INVS: variants seen among roughly 807,000 people sequenced by gnomAD.
The protein encoded by INVS is inversin.
A neutral mutation model predicts 108.8 loss-of-function variants in INVS; 86 were observed. The ratio of observed to expected loss-of-function variants is 0.79; its 90% CI spans 0.66 to 0.95. The LOEUF is 0.95. Among genes scored for constraint, INVS ranks in the 40% least tolerant of loss-of-function variants. The probability of loss-of-function intolerance (pLI) is 0.00; values close to 1 mark genes in which losing one functional copy is unlikely to be tolerated. For synonymous variants in INVS, 455 were observed against 473.5 expected (o/e 0.96, Z 0.51); for missense variants, 1,169 against 1,297.4 (o/e 0.90, Z 1.52).
At chr9:100,272,208 G>A (rs1181283267) in intron 11 of INVS, among the ~76,000 whole-genome samples, 1 of 152,106 alleles carries the variant, frequency 6.6e-6, no homozygotes, top group African/African-American at 2.4e-5. Flanking sequence ...TTTTAGAAAA[G>A]ACTTCCAACA....
At chr9:100,181,032 T>A (rs1829872728) in intron 3 of INVS, among the ~76,000 whole-genome samples, 1 of 152,084 alleles carries the variant, frequency 6.6e-6, no homozygotes. Context: ...CAAAACCACA[T>A]GATTATCTCA....
chr9:100,171,772 C>T (rs1165459192), intron 3 of INVS, among the ~76,000 whole-genome samples: 2 of 151,958 alleles, frequency 1.3e-5, no homozygotes, highest in Non-Finnish European at 2.9e-5. Context: ...TACATTTTAC[C>T]TTCTTTATGA....
At chr9:100,272,193 C>A (rs773902335) in intron 11 of INVS, among the ~76,000 whole-genome samples, 5 of 152,130 alleles carry the variant, frequency 3.3e-5, no homozygotes, top group Non-Finnish European at 7.4e-5. Flanking sequence ...AATTTTGTAT[C>A]CTTTTTTTAG....
chr9:100,218,034 T>C (rs1289706066), intron 3 of INVS, among the ~76,000 whole-genome samples: 1 of 152,170 alleles, frequency 6.6e-6, no homozygotes, highest in Non-Finnish European at 1.5e-5. Context: ...ATCATGTTTC[T>C]ATTTTTCCAT....
chr9:100,143,869 G>A (rs1422035519), intron 3 of INVS, among the ~76,000 whole-genome samples: 4 of 152,030 alleles, frequency 2.6e-5, no homozygotes, highest in African/African-American at 7.3e-5. Context: ...AGAAGGGGAC[G>A]GACTTACCTT....
intron 6 of INVS, 136 bp from the exon 7 acceptor site, chr9:100,242,434 T>C (rs552052321): frequency 1.6e-5 from 10 of 629,650 alleles, no homozygotes; most frequent in African/African-American, 1.3e-4. Context: ...AGAGGCTGCA[T>C]TGGGGGCTGC....
intron 10 of INVS, among the ~76,000 whole-genome samples, chr9:100,255,213 CTGTT>C (rs1832376603): frequency 6.6e-6 from 1 of 152,116 alleles, no homozygotes; most frequent in African/African-American, 2.4e-5. Context: ...ATTTGGCTCT[CTGTT>C]TGTCTGTTGG....
intron 4 of INVS, among the ~76,000 whole-genome samples, chr9:100,228,947 T>A (rs549840773): frequency 2.0e-5 from 3 of 152,338 alleles, no homozygotes; most frequent in African/African-American, 4.8e-5. Flanking sequence ...ACATTTCTGT[T>A]CATATCTTCT....
chr9:100,246,378 G>A lies in INVS; in HGVS notation c.907-238G>A, dbSNP rs11999920. Among the ~76,000 whole-genome samples, 705 of 152,256 alleles carry A rather than the reference G, an allele frequency of 4.6e-3. 7 individuals carry two copies. Among genetic ancestry groups the A allele is most frequent in the African/African-American group, 0.016 (667 of 41,542 alleles). On this transcript the variant is annotated intron_variant, in intron 7 of 16. Transcript: ENST00000262457. Reference sequence around the variant, plus strand: ...TCCATTTTGAGGATGTTGAATGGGAGAGTTAGGTTATGTTTATGAAGTGTT... The same window carrying A: ...TCCATTTTGAGGATGTTGAATGGGAAAGTTAGGTTATGTTTATGAAGTGTT...
At chr9:100,106,578 G>A (rs995381161) in intron 2 of INVS, among the ~76,000 whole-genome samples, 2 of 152,082 alleles carry the variant, frequency 1.3e-5, no homozygotes, top group African/African-American at 4.8e-5. Context: ...ACTCTAGATG[G>A]ACCAAACCTA....
chr9:100,230,674 G>A (rs34727324), intron 5 of INVS, among the ~76,000 whole-genome samples: 1,872 of 152,004 alleles, frequency 0.012, 18 homozygotes, highest in African/African-American at 0.02. Flanking sequence ...GTGCGCCACC[G>A]TGCCTGGCTA....
intron 3 of INVS, among the ~76,000 whole-genome samples, chr9:100,152,288 G>A (rs1025198510): frequency 6.6e-6 from 1 of 151,986 alleles, no homozygotes; most frequent in African/African-American, 2.4e-5. Flanking sequence ...ATTGAATTGG[G>A]TTCATCATGT....
intron 3 of INVS, among the ~76,000 whole-genome samples, chr9:100,178,224 T>C (rs560103114): frequency 1.3e-5 from 2 of 152,292 alleles, no homozygotes; most frequent in East Asian, 3.9e-4. Flanking sequence ...CCTCTTCTTC[T>C]GCAAAGGATC....
intron 12 of INVS, among the ~76,000 whole-genome samples, chr9:100,283,345 CAT>C (rs1168924497): frequency 6.6e-6 from 1 of 152,114 alleles, no homozygotes; most frequent in African/African-American, 2.4e-5. Context: ...TTTCTTCTAT[CAT>C]ATATTAGGTC....
At chr9:100,279,716 G>A (rs1332628482) in intron 12 of INVS, among the ~76,000 whole-genome samples, 1 of 152,138 alleles carries the variant, frequency 6.6e-6, no homozygotes, top group African/African-American at 2.4e-5. Context: ...TCTTTTCTGT[G>A]GAAGCATTTT....
At chr9:100,210,052 C>G (rs1391897220) in intron 3 of INVS, among the ~76,000 whole-genome samples, 1 of 152,166 alleles carries the variant, frequency 6.6e-6, no homozygotes, top group Non-Finnish European at 1.5e-5. Context: ...CAACATGCAG[C>G]TCAGGCACTG....
intron 3 of INVS, among the ~76,000 whole-genome samples, chr9:100,184,409 G>GT (rs1389687694): frequency 6.6e-6 from 1 of 152,164 alleles, no homozygotes; most frequent in African/African-American, 2.4e-5. Flanking sequence ...CCAGAGCACT[G>GT]TTTTACCTCA....
chr9:100,293,086 T>A lies in INVS; in HGVS notation c.2786+43T>A, dbSNP rs749925570. 3.9e-6 allele frequency: 6 copies of A among 1,540,866 alleles called. No individual in the cohort carries two copies. In the South Asian group the frequency reaches 4.5e-5, roughly 11 times the overall value. On this transcript the variant is annotated intron_variant, in intron 14 of 16. Coordinates refer to ENST00000262457, the MANE Select transcript of INVS (RefSeq NM_014425.5). Reference sequence around the variant, plus strand: ...TGCCGCATCTGTGGTTCTTTGTTACTGATATTCTCAACATGACATCTGTGC... The same window carrying A: ...TGCCGCATCTGTGGTTCTTTGTTACAGATATTCTCAACATGACATCTGTGC...
At chr9:100,265,866 C>T (rs903401146) in intron 11 of INVS, among the ~76,000 whole-genome samples, 1 of 152,190 alleles carries the variant, frequency 6.6e-6, no homozygotes, top group Non-Finnish European at 1.5e-5. Context: ...CAACTGAGGT[C>T]AGGAGTTCGA....
Sources: allele counts gnomAD v4.1 joint callset (sites outside exome capture counted in the v4.1 genomes callset), GRCh38; gene constraint gnomAD v4.1.1; transcripts MANE v1.5; gene names NCBI Gene and HGNC (gene_info 2026-07-23, HGNC 2026-07-21).